The following MYO15B variants were observed in gnomAD, a reference collection of about 807,000 sequenced individuals.
The protein encoded by MYO15B is myosin XVB pseudogene.
A neutral mutation model predicts 119.3 loss-of-function variants in MYO15B; 207 were observed. The ratio of observed to expected loss-of-function variants is 1.73; its 90% confidence interval spans 1.55 to 1.95. The LOEUF (loss-of-function observed/expected upper bound fraction) is 1.95. MYO15B is among the 30% of genes most tolerant of loss of function. MYO15B has a pLI of 0.00. For synonymous variants in MYO15B, 966 were observed against 498.9 expected (o/e 1.94, Z -12.48); for missense variants, 2,264 against 1,203.1 (o/e 1.88, Z -13.04).
At chr17:75,621,043 C>G (rs1030771622) in exon 50 of MYO15B, 1 of 702,878 alleles carries the variant, frequency 1.4e-6, no homozygotes, top group Non-Finnish European at 2.6e-6. Context: ...CCCTGCCCAC[C>G]CTTGGAGCCA....
chr17:75,620,312 C>G, exon 48 of MYO15B: 1 of 703,000 alleles, frequency 1.4e-6, no homozygotes, highest in Non-Finnish European at 2.6e-6. Flanking sequence ...CAGCTTCCAC[C>G]GTGGGGACCT....
At chr17:75,615,454 C>T in intron 34 of MYO15B, 49 bp from the exon 35 acceptor site, 2 of 674,142 alleles carry the variant, frequency 3.0e-6, no homozygotes, top group Non-Finnish European at 5.4e-6. Context: ...CAGCGAGCTT[C>T]AAGGCTGGCC....
At chr17:75,625,362 C>G (rs989020133) in intron 60 of MYO15B, 124 bp downstream of exon 60, 2 of 641,220 alleles carry the variant, frequency 3.1e-6, no homozygotes, top group East Asian at 2.7e-5. Flanking sequence ...AACATCTGTC[C>G]TCTCCACCCC....
chr17:75,596,722 G>A (rs1171797926), intron 13 of MYO15B, 46 bp from the exon 14 acceptor site: 1 of 683,278 alleles, frequency 1.5e-6, no homozygotes, highest in African/African-American at 1.8e-5. Flanking sequence ...AAGATGGGAG[G>A]GTTATCCCTG....
chr17:75,590,414 G>A, intron 1 of MYO15B, 171 bp downstream of exon 1: 1 of 397,884 alleles, frequency 2.5e-6, no homozygotes, highest in Non-Finnish European at 4.4e-6. Context: ...TACGTCCCCA[G>A]GACCGCCTTT....
chr17:75,626,100 C>A, exon 63 of MYO15B: 1 of 703,034 alleles, frequency 1.4e-6, no homozygotes, highest in South Asian at 1.5e-5. Flanking sequence ...CCTGTACTGC[C>A]GCATTGCCCT....
In MYO15B at chr17:75,626,404, C is replaced by A; in HGVS notation, c.9214-3C>A. 1 of 703,176 alleles carries A rather than the reference C, an allele frequency of 1.4e-6. No homozygotes were observed. The highest frequency in any genetic ancestry group is 2.6e-6 in the Non-Finnish European group (1 of 385,016). 43.6% of individuals were successfully genotyped at this position (703,176 alleles called of 1,614,324 possible). On this transcript the variant is annotated splice_polypyrimidine_tract_variant and splice_region_variant and intron_variant, in intron 63 of 63. Coordinates refer to ENST00000645453, the Ensembl canonical transcript of MYO15B. The stretch of plus-strand genomic sequence containing the variant: ...CTCTTGTAACAGGCCTTTCTCTGGG[C>A]AGGCCCAGGAGCTGCTATACACCAC...
intron 33 of MYO15B, 56 bp from the exon 34 acceptor site, chr17:75,615,184 A>T: frequency 1.5e-6 from 1 of 686,300 alleles, no homozygotes; most frequent in Non-Finnish European, 2.7e-6. Flanking sequence ...CTGGGGCTGG[A>T]GGGAGGTGGC....
intron 62 of MYO15B, 49 bp downstream of exon 62, chr17:75,626,026 T>G (rs1315599335): frequency 1.4e-6 from 1 of 697,458 alleles, no homozygotes; most frequent in East Asian, 2.7e-5. Context: ...CTTGGGCTGT[T>G]CCATCACCCA....
chr17:75,598,540 A>AAAAAAAAAAAAAAAAAG (rs1568134655), intron 14 of MYO15B, among the ~76,000 whole-genome samples: 1 of 142,952 alleles, frequency 7.0e-6, no homozygotes, highest in African/African-American at 2.6e-5. Context: ...AAAAAAAAAA[A>AAAAAAAAAAAAAAAAAG]AAAAAAGAAA....
chr17:75,604,450 C>A (rs1732348238), intron 19 of MYO15B, among the ~76,000 whole-genome samples: 1 of 145,788 alleles, frequency 6.9e-6, no homozygotes. Context: ...CTTCAACACT[C>A]CCCCACCCAC....
intron 4 of MYO15B, 129 bp from the exon 5 acceptor site, chr17:75,591,472 T>A: frequency 1.5e-6 from 1 of 646,344 alleles, no homozygotes; most frequent in Non-Finnish European, 2.8e-6. Context: ...CCTGGGACTA[T>A]CTTTCCACAT....
chr17:75,618,032 T>C (rs2058484637), intron 42 of MYO15B, 94 bp from the exon 43 acceptor site: 3 of 693,898 alleles, frequency 4.3e-6, no homozygotes, highest in Non-Finnish European at 7.9e-6. Flanking sequence ...CAGCCCACCA[T>C]CTCAAGGCTG....
At position 75,589,960 on chromosome 17, in the gene MYO15B, G is replaced by A; in HGVS notation, c.1903G>A (p.Val635Met). 2.5e-6 allele frequency: 1 copy of A among 398,724 alleles called. No individual in the cohort carries two copies. The allele number at this position is 398,724 out of a possible 1,614,324, so 24.7% of individuals were successfully genotyped here. ...GGAGACCCTCAATGACGAGCCCCCGGTGCGCTGGGCGCAGGGCTCAGGCCC... is the reference window on the plus strand; with the variant it reads ...GGAGACCCTCAATGACGAGCCCCCGATGCGCTGGGCGCAGGGCTCAGGCCC... Residue 635 changes from valine (V) to methionine (M), a missense_variant, in exon 1 of 64, where the codon GTG (valine) becomes ATG (methionine). Physicochemically the swap from Val to Met is conservative, Grantham distance 21. Transcript: ENST00000645453. The surrounding 1 kb of genome is among the most constrained non-coding windows in gnomAD (Gnocchi z 4.2).
At chr17:75,623,614 G>T (rs571877173) in intron 53 of MYO15B, among the ~76,000 whole-genome samples, 167 bp from the exon 54 acceptor site, 1 of 152,208 alleles carries the variant, frequency 6.6e-6, no homozygotes, top group African/African-American at 2.4e-5. Flanking sequence ...AGAGGGAGAC[G>T]GGAGCAGCGA....
intron 14 of MYO15B, among the ~76,000 whole-genome samples, 170 bp downstream of exon 14, chr17:75,597,069 C>G (rs1001781658): frequency 6.6e-6 from 1 of 152,166 alleles, no homozygotes; most frequent in African/African-American, 2.4e-5. Context: ...AGGGGAAGAA[C>G]CCTGGGCTCC....
intron 14 of MYO15B, among the ~76,000 whole-genome samples, chr17:75,600,430 CTT>C (rs11295393): frequency 4.6e-4 from 67 of 145,892 alleles, no homozygotes; most frequent in Admixed American, 6.1e-4. Context: ...ATCCCCATTT[CTT>C]TTTTTTTTTT....
rs1401300016 is a variant in MYO15B at position 75,624,078 on chromosome 17, G to T, written c.8272+14G>T. 1.4e-6 allele frequency: 1 copy of T among 703,072 alleles called. No homozygotes were observed. 43.6% of individuals were successfully genotyped at this position (703,072 alleles called of 1,614,324 possible). On this transcript the variant is annotated intron_variant, in intron 55 of 63. Transcript: ENST00000645453. ...GCCCCAGCCAAGGTGCCCGTGGGAA[G>T]GGGAGATGGAGGAGAGGCAGGGGTT...
intron 43 of MYO15B, 117 bp from the exon 44 acceptor site, chr17:75,619,026 G>C (rs989914899): frequency 1.5e-6 from 1 of 663,432 alleles, no homozygotes; most frequent in African/African-American, 1.8e-5. Context: ...CACAGGCCAT[G>C]GGGGCCAGGG....
Sources: allele counts gnomAD v4.1 joint callset (sites outside exome capture counted in the v4.1 genomes callset), GRCh38; gene constraint gnomAD v4.1.1; non-coding constraint Gnocchi (gnomAD v3.1); transcripts MANE v1.5; gene names NCBI Gene and HGNC (gene_info 2026-07-23, HGNC 2026-07-21).